Variants in MED23 observed in about 807,000 individuals in gnomAD.
MED23 encodes mediator of RNA polymerase II transcription subunit 23.
MED23 carries 105 observed loss-of-function variants against 163.9 expected under a neutral mutation model. The observed-to-expected ratio is 0.64, with a 90% confidence interval of 0.55 to 0.75. The LOEUF is 0.75. Ranked by LOEUF, MED23 falls within the 30% of genes least tolerant of loss-of-function variation. The pLI is 0.00. For missense variants in MED23, 1,054 were observed against 1,649.0 expected, an observed-to-expected ratio of 0.64 and a Z score of 6.25; for synonymous variants, 561 against 565.6, an observed-to-expected ratio of 0.99 and a Z score of 0.12.
chr6:131,587,406 A>AC lies in MED23; in HGVS notation c.*272dup. On this transcript the variant is annotated 3_prime_UTR_variant, in exon 29 of 29. Coordinates refer to ENST00000368068, the MANE Select transcript of MED23 (RefSeq NM_004830.4). ...AGTGCCAATGACAAGTCATTTGATC[A>AC]CAGATACCTCTATGTTCCTACATAG... The AC allele has an allele frequency of 8.1e-7, 1 of 1,241,212 alleles. No homozygotes were observed. The highest frequency in any genetic ancestry group is 1.5e-5 in the African/African-American group (1 of 65,400). 76.9% of individuals were successfully genotyped at this position (1,241,212 alleles called of 1,614,324 possible).
intron 10 of MED23, among the ~76,000 whole-genome samples, chr6:131,612,950 G>A (rs1178950398): frequency 6.6e-6 from 1 of 151,888 alleles, no homozygotes; most frequent in Non-Finnish European, 1.5e-5. Flanking sequence ...ACTGTACTTA[G>A]GTGAGCTTAA....
chr6:131,581,167 T>C, intron 30 of MED23: 1 of 1,568,584 alleles, frequency 6.4e-7, no homozygotes, highest in South Asian at 1.1e-5. Flanking sequence ...TAATATGATG[T>C]ATGTAGTGAC....
chr6:131,579,097 C>CT lies in MED23; in HGVS notation c.4096-4803dup, dbSNP rs1160133142. 6.2e-7 allele frequency: 1 copy of CT among 1,613,624 alleles called. No individual in the cohort carries two copies. The highest frequency in any genetic ancestry group is 8.5e-7 in the Non-Finnish European group (1 of 1,179,792). On this transcript the variant is annotated intron_variant, in intron 30 of 30. Transcript: ENST00000354577. ...TACTTTTTAATTTAGTAACTCAAAA[C>CT]TTTTTAATTTTAGAGTGTGATGTGA...
chr6:131,584,047 T>G (rs1161780198), downstream of MED23: 1 of 938,186 alleles, frequency 1.1e-6, no homozygotes, highest in Non-Finnish European at 1.5e-6. Flanking sequence ...CTCTACAAAT[T>G]CCCTCTTGGT....
downstream of MED23, chr6:131,583,922 C>T (rs768028958): frequency 2.3e-5 from 37 of 1,612,560 alleles, no homozygotes; most frequent in East Asian, 1.1e-4. Context: ...TGGAAACATC[C>T]GATATAAATC....
In MED23 at chr6:131,628,210, G is replaced by A. The variant is rs1585590876; in HGVS notation, c.-161C>T. 3 of 798,682 alleles carry A rather than the reference G, an allele frequency of 3.8e-6. No individual in the cohort carries two copies. Among genetic ancestry groups the A allele is most frequent in the African/African-American group, 3.4e-5 (2 of 58,884 alleles). The allele number at this position is 798,682 out of a possible 1,614,324, so 49.5% of individuals were successfully genotyped here. ...CTTTACCTGGAGCGTTCCCTCCCGA[G>A]CCCAGCCAACAGCAGGAACCTGTAC... On this transcript the variant is annotated 5_prime_UTR_variant, in exon 1 of 29. Transcript: ENST00000368068.
intron 15 of MED23, 103 bp downstream of exon 15, chr6:131,604,075 A>G (rs988447404): frequency 7.1e-6 from 8 of 1,128,166 alleles, no homozygotes; most frequent in Non-Finnish European, 8.1e-6. Context: ...AAGCTCCATC[A>G]TGGTGGTGAC....
At chr6:131,620,804 ATTTT>A (rs763118261) in intron 6 of MED23, 75 bp from the exon 7 acceptor site, 64 of 669,058 alleles carry the variant, frequency 9.6e-5, no homozygotes, top group East Asian at 2.8e-4. Flanking sequence ...TATTATCATT[ATTTT>A]TTTTTTTTTT....
intron 30 of MED23, chr6:131,579,666 A>G (rs922119475): frequency 1.2e-5 from 2 of 163,078 alleles, no homozygotes; most frequent in African/African-American, 2.4e-5. Flanking sequence ...TTTTCATTAT[A>G]AAAGTAATGA....
chr6:131,586,347 C>G (rs1774179879), downstream of MED23, among the ~76,000 whole-genome samples: 1 of 151,682 alleles, frequency 6.6e-6, no homozygotes, highest in South Asian at 2.1e-4. Context: ...TTGTAGTGAG[C>G]CCAGAGTATG....
intron 2 of MED23, 21 bp from the exon 3 acceptor site, chr6:131,627,504 T>C (rs1379633968): frequency 1.2e-6 from 2 of 1,604,954 alleles, no homozygotes; most frequent in African/African-American, 2.7e-5. Context: ...AAAAATTACA[T>C]TATTTGTCAT....
At chr6:131,619,224 G>T (rs958616490) in intron 8 of MED23, among the ~76,000 whole-genome samples, 1 of 152,216 alleles carries the variant, frequency 6.6e-6, no homozygotes. Context: ...TGTATTTTCA[G>T]TATCTAGAAT....
intron 7 of MED23, among the ~76,000 whole-genome samples, chr6:131,620,234 CATT>C (rs939246465): frequency 4.6e-5 from 7 of 152,202 alleles, no homozygotes; most frequent in African/African-American, 1.7e-4. Flanking sequence ...TAAAAGTCAT[CATT>C]AAAAAAATAA....
At chr6:131,584,583 A>G (rs1041521925), downstream of MED23, among the ~76,000 whole-genome samples, 3 of 152,120 alleles carry the variant, frequency 2.0e-5, no homozygotes, top group South Asian at 4.1e-4. Context: ...GCAATCTACA[A>G]GTTCATTGGG....
chr6:131,578,548 A>C (rs935917277), intron 30 of MED23, among the ~76,000 whole-genome samples: 1 of 152,218 alleles, frequency 6.6e-6, no homozygotes, highest in African/African-American at 2.4e-5. Flanking sequence ...TGTTAGGCTC[A>C]GTGCTAAGTA....
In MED23 at chr6:131,628,112, G is replaced by A; in HGVS notation, c.-63C>T. On this transcript the variant is annotated 5_prime_UTR_variant, in exon 1 of 29. Coordinates refer to ENST00000368068, the MANE Select transcript of MED23 (RefSeq NM_004830.4). Reference sequence around the variant, plus strand: ...AGGCCCGGATCAGACTCGAGCTCTGGGAATATAGGGGCAGAGGGGCGGAGA... The same window carrying A: ...AGGCCCGGATCAGACTCGAGCTCTGAGAATATAGGGGCAGAGGGGCGGAGA... 3 of 1,582,964 alleles carry A rather than the reference G, an allele frequency of 1.9e-6. No homozygotes were observed. The highest frequency in any genetic ancestry group is 2.2e-5 in the East Asian group (1 of 44,732).
chr6:131,597,489 A>G (rs1030612881), intron 20 of MED23, among the ~76,000 whole-genome samples: 2 of 150,770 alleles, frequency 1.3e-5, no homozygotes, highest in African/African-American at 2.4e-5. Context: ...AAAAAAAAAA[A>G]AAAAAAAAGA....
Position 131,594,252 on chromosome 6 carries a change from C to T in MED23, c.3079G>A (p.Val1027Ile), listed in dbSNP as rs1167434123. The change falls in exon 23 of 29, where the codon GTC becomes ATC. Residue 1027 changes from valine to isoleucine, a missense_variant. By Grantham distance (29) the Val-to-Ile change is conservative. Transcript: ENST00000368068. Reference protein sequence around the residue: ...RDRAFLKRKLVHAIIGSLKDN... With the variant: ...RDRAFLKRKLIHAIIGSLKDN... ...TTCAGAGAGCCAATGATCGCATGGA[C>T]GAGTTTTCGTTTGAGAAATGCGCGG... is the stretch of plus-strand genomic sequence containing the variant. The T allele has an allele frequency of 1.1e-5, 17 of 1,613,998 alleles. No individual in the cohort carries two copies. Among genetic ancestry groups the T allele is most frequent in the African/African-American group, 2.7e-5 (2 of 74,904 alleles).
downstream of MED23, chr6:131,582,814 G>C (rs911496463): frequency 3.7e-5 from 34 of 911,924 alleles, no homozygotes; most frequent in Middle Eastern, 2.2e-4. Flanking sequence ...TAAACATCAA[G>C]ACACACACAC....
Sources: allele counts gnomAD v4.1 joint callset (sites outside exome capture counted in the v4.1 genomes callset), GRCh38; gene constraint gnomAD v4.1.1; transcripts MANE v1.5; gene names NCBI Gene and HGNC (gene_info 2026-07-23, HGNC 2026-07-21).